The following NXPH1 variants were observed in gnomAD, a reference collection of about 807,000 sequenced individuals.
NXPH1 encodes neurexophilin 1, also known as neurexophilin-1.
Under a neutral mutation model 23.7 loss-of-function variants are expected in NXPH1, and 5 were observed. That is an observed-to-expected ratio of 0.21 (90% CI 0.11 to 0.44). NXPH1 has a LOEUF of 0.44. NXPH1 is among the 20% of genes least tolerant of loss of function. The pLI is 0.99. For synonymous variants in NXPH1, 144 were observed against 122.2 expected, an observed-to-expected ratio of 1.18 and a Z score of -1.18; for missense variants, 324 against 321.6, an observed-to-expected ratio of 1.01 and a Z score of -0.06.
chr7:8,527,822 C>A (rs1232078264), intron 2 of NXPH1, among the ~76,000 whole-genome samples: 1 of 152,120 alleles, frequency 6.6e-6, no homozygotes, highest in Non-Finnish European at 1.5e-5. Context: ...AAAAGGACAC[C>A]CACAACTTGA....
intron 2 of NXPH1, among the ~76,000 whole-genome samples, chr7:8,737,192 T>C (rs1780275862): frequency 1.3e-5 from 2 of 152,316 alleles, no homozygotes; most frequent in Middle Eastern, 3.4e-3. Flanking sequence ...GCTGGTTATT[T>C]TGCCTGTTAC....
chr7:8,505,482 T>C (rs17149939), intron 2 of NXPH1, among the ~76,000 whole-genome samples: 2,880 of 152,132 alleles, frequency 0.019, 85 homozygotes, highest in African/African-American at 0.065. Flanking sequence ...GACCTCAACA[T>C]TGCAGACTGG....
At chr7:8,570,725 G>A (rs1239852302) in intron 2 of NXPH1, among the ~76,000 whole-genome samples, 1 of 151,844 alleles carries the variant, frequency 6.6e-6, no homozygotes, top group African/African-American at 2.4e-5. Context: ...GAAGTGGGAG[G>A]GAAGAGTTTC....
chr7:8,618,879 G>C (rs1304976910), intron 2 of NXPH1, among the ~76,000 whole-genome samples: 1 of 152,162 alleles, frequency 6.6e-6, no homozygotes, highest in East Asian at 1.9e-4. Flanking sequence ...AATTATGTGT[G>C]CTGCAATTGA....
At chr7:8,546,689 C>G (rs1818201920) in intron 2 of NXPH1, among the ~76,000 whole-genome samples, 1 of 151,416 alleles carries the variant, frequency 6.6e-6, no homozygotes, top group Admixed American at 6.6e-5. Context: ...GCTTATCTTT[C>G]TGCTCATTCA....
chr7:8,511,241 C>T (rs1817606364), intron 2 of NXPH1, among the ~76,000 whole-genome samples: 1 of 152,104 alleles, frequency 6.6e-6, no homozygotes, highest in Non-Finnish European at 1.5e-5. Context: ...TAAATACTTG[C>T]TATTTTTCCA....
At chr7:8,599,737 G>T (rs1397995357) in intron 2 of NXPH1, among the ~76,000 whole-genome samples, 1 of 151,750 alleles carries the variant, frequency 6.6e-6, no homozygotes, top group African/African-American at 2.4e-5. Context: ...CCAGTAAACA[G>T]CACCATTACA....
chr7:8,539,714 A>C lies in NXPH1; in HGVS notation c.54+103947A>C, dbSNP rs1342527623. 5.9e-5 allele frequency among the ~76,000 whole-genome samples: 9 copies of C among 151,852 alleles called. No individual in the cohort carries two copies. In the East Asian group the frequency reaches 1.8e-3, roughly 30 times the overall value. ...AATTATCAATGCACATGTATTAATA[A>C]TATTACCAGACACATGTCCACAAAC... On this transcript the variant is annotated intron_variant, in intron 2 of 2. Transcript: ENST00000405863.
At chr7:8,456,581 T>A (rs780917658) in intron 2 of NXPH1, among the ~76,000 whole-genome samples, 1 of 152,106 alleles carries the variant, frequency 6.6e-6, no homozygotes, top group Non-Finnish European at 1.5e-5. Flanking sequence ...ATATCAGGGG[T>A]CAGTGAATCA....
intron 2 of NXPH1, among the ~76,000 whole-genome samples, chr7:8,590,060 C>A (rs945148996): frequency 6.6e-6 from 1 of 152,046 alleles, no homozygotes; most frequent in African/African-American, 2.4e-5. Context: ...TGACAGTGAG[C>A]CTGAAGTGAA....
At chr7:8,485,654 G>A (rs1312421485) in intron 2 of NXPH1, among the ~76,000 whole-genome samples, 2 of 152,106 alleles carry the variant, frequency 1.3e-5, no homozygotes, top group Non-Finnish European at 2.9e-5. Flanking sequence ...AGTGGAGGCG[G>A]GGAGGGGGCT....
At chr7:8,610,889 A>T (rs1463965135) in intron 2 of NXPH1, among the ~76,000 whole-genome samples, 1 of 152,050 alleles carries the variant, frequency 6.6e-6, no homozygotes, top group African/African-American at 2.4e-5. Flanking sequence ...GCAAATGTTT[A>T]AGAGGCTCAG....
chr7:8,441,448 G>A (rs916535626), intron 2 of NXPH1, among the ~76,000 whole-genome samples: 3 of 152,096 alleles, frequency 2.0e-5, no homozygotes, highest in African/African-American at 7.2e-5. Flanking sequence ...GACTCTGCTT[G>A]AAGGAATGTG....
At chr7:8,486,022 TAGAA>T (rs1355826170) in intron 2 of NXPH1, among the ~76,000 whole-genome samples, 1 of 152,198 alleles carries the variant, frequency 6.6e-6, no homozygotes, top group African/African-American at 2.4e-5. Flanking sequence ...ATAAAATGCC[TAGAA>T]AGAGTTACTC....
chr7:8,739,283 C>G (rs1029552128), intron 2 of NXPH1, among the ~76,000 whole-genome samples: 1 of 151,228 alleles, frequency 6.6e-6, no homozygotes, highest in African/African-American at 2.4e-5. Context: ...GGTATAGGCA[C>G]CCGAGGGAAT....
At chr7:8,496,672 G>T (rs568195900) in intron 2 of NXPH1, among the ~76,000 whole-genome samples, 14 of 152,064 alleles carry the variant, frequency 9.2e-5, no homozygotes, top group African/African-American at 3.1e-4. Flanking sequence ...CCAGAACTCA[G>T]GGAGAGGGAG....
At chr7:8,607,278 G>A (rs899318175) in intron 2 of NXPH1, among the ~76,000 whole-genome samples, 14 of 152,078 alleles carry the variant, frequency 9.2e-5, no homozygotes, top group African/African-American at 3.1e-4. Context: ...CATGCTCTGG[G>A]TGATTTTGCT....
At chr7:8,553,771 T>C (rs985620028) in intron 2 of NXPH1, among the ~76,000 whole-genome samples, 4 of 151,598 alleles carry the variant, frequency 2.6e-5, no homozygotes, top group Non-Finnish European at 4.4e-5. Flanking sequence ...GAAAAAATCA[T>C]CTTGAGCCAT....
intron 2 of NXPH1, among the ~76,000 whole-genome samples, chr7:8,737,053 T>A (rs1780271050): frequency 6.6e-6 from 1 of 152,164 alleles, no homozygotes; most frequent in Non-Finnish European, 1.5e-5. Context: ...GTCTCCTGAA[T>A]ACAGCAGATC....
Sources: gnomAD v4.1 joint callset for allele counts (sites outside exome capture counted in the v4.1 genomes callset) on GRCh38, gnomAD v4.1.1 for gene constraint, MANE v1.5 for transcripts, NCBI Gene and HGNC (gene_info 2026-07-23, HGNC 2026-07-21) for gene names.